Variants in GRID2 observed in about 807,000 individuals in gnomAD.
The protein encoded by GRID2 is glutamate ionotropic receptor delta type subunit 2.
A neutral mutation model predicts 114.8 loss-of-function variants in GRID2; 33 were observed. That is an observed-to-expected ratio of 0.29 (90% CI 0.22 to 0.38). The LOEUF is 0.38. Ranked by LOEUF, GRID2 falls within the 10% of genes least tolerant of loss-of-function variation. GRID2 has a pLI of 1.00. For missense variants in GRID2, 1,184 were observed against 1,257.7 expected (o/e 0.94, Z 0.89); for synonymous variants, 505 against 449.9 (o/e 1.12, Z -1.55).
chr4:93,102,943 A>G (rs1254140774), intron 3 of GRID2, among the ~76,000 whole-genome samples: 1 of 151,996 alleles, frequency 6.6e-6, no homozygotes, highest in Non-Finnish European at 1.5e-5. Context: ...AAGGCTTTAC[A>G]TATCATCAAA....
intron 1 of GRID2, among the ~76,000 whole-genome samples, chr4:92,357,362 A>G (rs2110194671): frequency 6.6e-6 from 1 of 152,056 alleles, no homozygotes; most frequent in South Asian, 2.1e-4. Flanking sequence ...TTATGATAAT[A>G]AAACAGATCT....
chr4:93,123,758 C>T (rs1367565242), intron 4 of GRID2, among the ~76,000 whole-genome samples: 8 of 152,062 alleles, frequency 5.3e-5, no homozygotes, highest in Admixed American at 5.2e-4. Context: ...CATATCAAAA[C>T]TTTATTGTTC....
chr4:92,430,294 T>C (rs537613324), intron 1 of GRID2, among the ~76,000 whole-genome samples: 3 of 152,088 alleles, frequency 2.0e-5, no homozygotes, highest in Non-Finnish European at 2.9e-5. Flanking sequence ...TGGTGAGAGA[T>C]AGGGGTAGTT....
intron 1 of GRID2, among the ~76,000 whole-genome samples, chr4:92,481,981 G>GATAGAT (rs1722618198): frequency 2.1e-5 from 1 of 47,238 alleles, no homozygotes; most frequent in Admixed American, 2.5e-4. Flanking sequence ...AATAAAATGT[G>GATAGAT]ATATATATAT....
intron 8 of GRID2, among the ~76,000 whole-genome samples, chr4:93,386,640 G>C (rs114005105): frequency 0.012 from 1,884 of 152,242 alleles, 45 homozygotes; most frequent in African/African-American, 0.043. Context: ...CACCACGCAA[G>C]GGTCAGATGC....
intron 4 of GRID2, among the ~76,000 whole-genome samples, chr4:93,178,907 C>A (rs569757462): frequency 6.6e-6 from 1 of 152,112 alleles, no homozygotes; most frequent in Non-Finnish European, 1.5e-5. Flanking sequence ...CCCAAAGTAA[C>A]AAGTATTCTA....
intron 2 of GRID2, among the ~76,000 whole-genome samples, chr4:92,993,379 T>C (rs1464758659): frequency 6.6e-6 from 1 of 152,086 alleles, no homozygotes; most frequent in Non-Finnish European, 1.5e-5. Flanking sequence ...TTGTGAACTT[T>C]ATGTGTGCTT....
At chr4:93,740,783 G>A (rs1423753123) in intron 14 of GRID2, among the ~76,000 whole-genome samples, 1 of 151,670 alleles carries the variant, frequency 6.6e-6, no homozygotes, top group Non-Finnish European at 1.5e-5. Flanking sequence ...ACAATACAGT[G>A]ATAATTCACC....
At chr4:92,546,976 A>G (rs1007731458) in intron 1 of GRID2, among the ~76,000 whole-genome samples, 2 of 152,162 alleles carry the variant, frequency 1.3e-5, no homozygotes, top group African/African-American at 4.8e-5. Context: ...TTCAGTTATG[A>G]GGTTCACAAA....
chr4:93,391,956 T>C (rs1291650557), intron 8 of GRID2, among the ~76,000 whole-genome samples: 1 of 151,892 alleles, frequency 6.6e-6, no homozygotes, highest in South Asian at 2.1e-4. Context: ...TGACAGAAAA[T>C]ACTATAGGAA....
At chr4:93,692,994 G>C (rs1288355453) in intron 14 of GRID2, among the ~76,000 whole-genome samples, 1 of 152,120 alleles carries the variant, frequency 6.6e-6, no homozygotes. Context: ...TATTCATGTA[G>C]GGAGAGCTGT....
At chr4:92,357,056 A>G (rs1176482848) in intron 1 of GRID2, among the ~76,000 whole-genome samples, 1 of 151,822 alleles carries the variant, frequency 6.6e-6, no homozygotes, top group East Asian at 1.9e-4. Context: ...TATTAGACAC[A>G]GTGTAAAGAG....
intron 13 of GRID2, among the ~76,000 whole-genome samples, chr4:93,591,992 C>T (rs957766655): frequency 2.6e-5 from 4 of 151,788 alleles, no homozygotes; most frequent in African/African-American, 9.7e-5. Context: ...TTTTGTTGAT[C>T]CTTTCAAAAA....
At chr4:92,585,757 G>A (rs1728405363) in intron 1 of GRID2, among the ~76,000 whole-genome samples, 1 of 151,564 alleles carries the variant, frequency 6.6e-6, no homozygotes, top group African/African-American at 2.4e-5. Flanking sequence ...TACTCCACTT[G>A]CCTCTTAAAT....
At chr4:92,854,775 T>A (rs1435495993) in intron 2 of GRID2, among the ~76,000 whole-genome samples, 1 of 151,984 alleles carries the variant, frequency 6.6e-6, no homozygotes, top group South Asian at 2.1e-4. Flanking sequence ...GTATTATTAA[T>A]GTAAATAATA....
chr4:92,321,234 C>T (rs1726296086), intron 1 of GRID2, among the ~76,000 whole-genome samples: 1 of 152,240 alleles, frequency 6.6e-6, no homozygotes, highest in South Asian at 2.1e-4. Context: ...GTTGGGACTT[C>T]GGGCCTCTTT....
chr4:93,241,331 T>A (rs1411496003), intron 8 of GRID2, among the ~76,000 whole-genome samples: 1 of 151,700 alleles, frequency 6.6e-6, no homozygotes, highest in African/African-American at 2.4e-5. Context: ...ATTTTACACC[T>A]TCTAGGGATG....
At chr4:93,261,348 C>T (rs912751083) in intron 8 of GRID2, among the ~76,000 whole-genome samples, 1 of 151,800 alleles carries the variant, frequency 6.6e-6, no homozygotes, top group Non-Finnish European at 1.5e-5. Context: ...ATCCTTGCAC[C>T]TAAGTGGCTT....
chr4:93,536,530 A>G (rs1732098692), intron 13 of GRID2, among the ~76,000 whole-genome samples: 1 of 151,798 alleles, frequency 6.6e-6, no homozygotes, highest in Admixed American at 6.6e-5. Context: ...CCTTATATAA[A>G]TTAATTCACA....
Sources: allele counts gnomAD v4.1 joint callset (sites outside exome capture counted in the v4.1 genomes callset), GRCh38; gene constraint gnomAD v4.1.1; transcripts MANE v1.5; gene names NCBI Gene and HGNC (gene_info 2026-07-23, HGNC 2026-07-21).